Variants in IGSF11 observed in about 807,000 individuals in gnomAD.
IGSF11 encodes the protein immunoglobulin superfamily member 11.
IGSF11 carries 22 observed loss-of-function variants against 41.0 expected under a neutral mutation model. That is an observed-to-expected ratio of 0.54 (90% CI 0.38 to 0.77). IGSF11 has a LOEUF of 0.77. IGSF11 is among the 30% of genes least tolerant of loss of function. The probability of loss-of-function intolerance (pLI) is 0.00; values close to 1 mark genes in which losing one functional copy is unlikely to be tolerated. For synonymous variants in IGSF11, 219 were observed against 201.3 expected (o/e 1.09, Z -0.74); for missense variants, 444 against 530.8 (o/e 0.84, Z 1.61).
At chr3:119,105,133 A>G in intron 1 of IGSF11, 1 of 1,583,526 alleles carries the variant, frequency 6.3e-7, no homozygotes, top group Non-Finnish European at 8.7e-7. Context: ...TTCCAATGTC[A>G]AGTCACTAAC....
chr3:118,979,161 T>C (rs776192796), intron 1 of IGSF11, among the ~76,000 whole-genome samples: 19 of 152,136 alleles, frequency 1.2e-4, no homozygotes, highest in Non-Finnish European at 2.8e-4. Flanking sequence ...AAAGTTTTAA[T>C]GATAGACTAA....
intron 1 of IGSF11, among the ~76,000 whole-genome samples, chr3:118,980,021 TAGTG>T (rs1469456148): frequency 1.3e-5 from 2 of 152,184 alleles, no homozygotes; most frequent in Non-Finnish European, 2.9e-5. Flanking sequence ...TAGCAGATGT[TAGTG>T]AGGATGTGGA....
intron 4 of IGSF11, among the ~76,000 whole-genome samples, chr3:118,907,137 C>T (rs1022748573): frequency 3.9e-5 from 6 of 152,168 alleles, no homozygotes; most frequent in Non-Finnish European, 8.8e-5. Flanking sequence ...AGAGCTATCC[C>T]CATCCTGGGT....
chr3:119,143,227 T>C (rs73854409), intron 1 of IGSF11, among the ~76,000 whole-genome samples: 154 of 152,332 alleles, frequency 1.0e-3, no homozygotes, highest in African/African-American at 3.5e-3. Flanking sequence ...TCTTTTTATG[T>C]ATGATTTAAA....
chr3:119,081,975 G>A (rs1400339183), intron 1 of IGSF11, among the ~76,000 whole-genome samples: 1 of 152,090 alleles, frequency 6.6e-6, no homozygotes, highest in Non-Finnish European at 1.5e-5. Context: ...TGAAATTTAG[G>A]AAACTCCAAT....
chr3:119,130,451 A>G (rs9653917), intron 1 of IGSF11, among the ~76,000 whole-genome samples: 57,948 of 152,080 alleles, frequency 0.38, 11,190 homozygotes, highest in South Asian at 0.42. Flanking sequence ...AGCCTTGCTC[A>G]CTGCTAGCGC....
chr3:118,990,156 C>T (rs2107650595), intron 1 of IGSF11, among the ~76,000 whole-genome samples: 1 of 152,294 alleles, frequency 6.6e-6, no homozygotes, highest in South Asian at 2.1e-4. Flanking sequence ...AATAGGGAAC[C>T]ACTGAAGAGT....
intron 1 of IGSF11, among the ~76,000 whole-genome samples, chr3:119,014,667 G>A (rs1475485948): frequency 6.6e-6 from 1 of 152,202 alleles, no homozygotes; most frequent in Non-Finnish European, 1.5e-5. Flanking sequence ...CTTACATGCT[G>A]TGTGGTTTTA....
At chr3:119,128,839 A>G (rs1178866420) in intron 1 of IGSF11, among the ~76,000 whole-genome samples, 2 of 152,224 alleles carry the variant, frequency 1.3e-5, no homozygotes, top group Non-Finnish European at 2.9e-5. Flanking sequence ...AATATAAATC[A>G]TTCTACTATA....
intron 1 of IGSF11, among the ~76,000 whole-genome samples, chr3:119,072,604 CT>C (rs2076417924): frequency 6.6e-6 from 1 of 152,098 alleles, no homozygotes. Context: ...AGCCGCATAC[CT>C]TCGTGGTAAG....
intron 1 of IGSF11, among the ~76,000 whole-genome samples, chr3:118,955,649 G>C (rs915583758): frequency 6.6e-6 from 1 of 152,036 alleles, no homozygotes; most frequent in African/African-American, 2.4e-5. Context: ...GGTCTCGACA[G>C]GTGGCTTAAA....
chr3:119,031,672 T>G (rs926854008), intron 1 of IGSF11, among the ~76,000 whole-genome samples: 1 of 152,230 alleles, frequency 6.6e-6, no homozygotes, highest in East Asian at 1.9e-4. Flanking sequence ...TAGTCCATGT[T>G]GAATATATAT....
intron 1 of IGSF11, among the ~76,000 whole-genome samples, chr3:118,987,260 G>A (rs1275081211): frequency 6.6e-6 from 1 of 152,238 alleles, no homozygotes; most frequent in Non-Finnish European, 1.5e-5. Context: ...AGATAAGTGT[G>A]AGGGTTATTT....
intron 1 of IGSF11, among the ~76,000 whole-genome samples, chr3:119,141,237 A>G (rs1339373057): frequency 1.3e-5 from 2 of 151,900 alleles, no homozygotes; most frequent in South Asian, 2.1e-4. Context: ...TGAAAACACA[A>G]CATACTAAAA....
chr3:119,053,105 T>G (rs1270997540), intron 1 of IGSF11, among the ~76,000 whole-genome samples: 3 of 152,172 alleles, frequency 2.0e-5, no homozygotes, highest in Non-Finnish European at 2.9e-5. Context: ...ATGCCCACTT[T>G]CACCACTTCT....
At chr3:118,918,829 G>A (rs1188575948) in intron 4 of IGSF11, among the ~76,000 whole-genome samples, 1 of 139,030 alleles carries the variant, frequency 7.2e-6, no homozygotes, top group Admixed American at 7.2e-5. Context: ...GAACAAAGCT[G>A]GAGGCATCAC....
At chr3:118,974,832 CTTT>C (rs1028625904) in intron 1 of IGSF11, among the ~76,000 whole-genome samples, 10 of 152,100 alleles carry the variant, frequency 6.6e-5, no homozygotes, top group South Asian at 2.1e-4. Context: ...TTACTTTCTT[CTTT>C]ATCATGAGTT....
chr3:119,066,348 T>C (rs969007334), intron 1 of IGSF11, among the ~76,000 whole-genome samples: 2 of 152,230 alleles, frequency 1.3e-5, no homozygotes, highest in East Asian at 3.8e-4. Flanking sequence ...TGCCTACGTA[T>C]AGTCTTTTTT....
intron 1 of IGSF11, among the ~76,000 whole-genome samples, chr3:119,017,059 C>G (rs1346032912): frequency 8.6e-6 from 1 of 116,380 alleles, no homozygotes; most frequent in Admixed American, 8.1e-5. Flanking sequence ...AAAAAAAAAG[C>G]CAACTATGGG....
Sources: allele counts gnomAD v4.1 joint callset (sites outside exome capture counted in the v4.1 genomes callset), GRCh38; gene constraint gnomAD v4.1.1; transcripts MANE v1.5; gene names NCBI Gene and HGNC (gene_info 2026-07-23, HGNC 2026-07-21).